The following ABCC2 variants were observed in gnomAD, a reference collection of about 807,000 sequenced individuals.
The protein encoded by ABCC2 is ATP binding cassette subfamily C member 2, also known as ATP-binding cassette sub-family C member 2.
In ABCC2, 157 loss-of-function variants were observed where a neutral mutation model predicts 173.4. The observed-to-expected ratio is 0.91, with a 90% CI of 0.80 to 1.03. The LOEUF (loss-of-function observed/expected upper bound fraction) is 1.03, where lower values mean the gene tolerates loss of function less well. Ranked by LOEUF, ABCC2 falls within the 50% of genes least tolerant of loss-of-function variation. The probability of loss-of-function intolerance (pLI) is 0.00; values close to 1 mark genes in which losing one functional copy is unlikely to be tolerated. For synonymous variants in ABCC2, 657 were observed against 693.5 expected (o/e 0.95, Z 0.83); for missense variants, 1,822 against 1,852.3 (o/e 0.98, Z 0.30).
intron 29 of ABCC2, 95 bp downstream of exon 29, chr10:99,845,877 A>C (rs1216944404): frequency 1.5e-6 from 2 of 1,344,612 alleles, no homozygotes; most frequent in Admixed American, 2.0e-5. Flanking sequence ...TTCAGTCAGC[A>C]CTGTCAATTC....
At chr10:99,826,029 C>T (rs570119164) in intron 19 of ABCC2, among the ~76,000 whole-genome samples, 22 of 152,328 alleles carry the variant, frequency 1.4e-4, no homozygotes, top group East Asian at 3.9e-4. Flanking sequence ...AAATTTAGAA[C>T]GACATTGACT....
At chr10:99,851,365 G>T in intron 31 of ABCC2, 137 bp from the exon 32 acceptor site, 1 of 919,362 alleles carries the variant, frequency 1.1e-6, no homozygotes, top group Non-Finnish European at 1.8e-6. Context: ...GTTGATGTGT[G>T]TAGCTGTGGC....
At chr10:99,805,605 C>A (rs367556003) in intron 11 of ABCC2, among the ~76,000 whole-genome samples, 158 bp downstream of exon 11, 8 of 152,064 alleles carry the variant, frequency 5.3e-5, no homozygotes, top group African/African-American at 2.4e-5. Flanking sequence ...TCAGGTCCTC[C>A]GTTGAACCCC....
At chr10:99,810,610 G>A (rs1011821876) in intron 14 of ABCC2, among the ~76,000 whole-genome samples, 5 of 152,196 alleles carry the variant, frequency 3.3e-5, no homozygotes, top group African/African-American at 1.2e-4. Flanking sequence ...ATAGTGGGGA[G>A]GATTTATATA....
intron 19 of ABCC2, among the ~76,000 whole-genome samples, chr10:99,821,190 A>G (rs1448330884): frequency 6.6e-6 from 1 of 152,262 alleles, no homozygotes; most frequent in Non-Finnish European, 1.5e-5. Context: ...TTTACAAAGC[A>G]GTATTGCTGC....
chr10:99,831,298 C>T lies in ABCC2; in HGVS notation c.2884-313C>T, dbSNP rs116903248. 9.7e-4 allele frequency among the ~76,000 whole-genome samples: 148 copies of T among 152,318 alleles called. 3 individuals carry two copies. The East Asian group carries it at 0.025, about 26-fold the overall frequency. ...AAAACCTCAGGGCTCAAGAGATCCT[C>T]CCACACCAGCCTTCTGAGTAGCTGG... is the stretch of plus-strand genomic sequence containing the variant. On this transcript the variant is annotated intron_variant, in intron 21 of 31. Transcript: ENST00000647814.
chr10:99,843,366 T>G (rs1219484494), intron 26 of ABCC2, among the ~76,000 whole-genome samples: 1 of 152,216 alleles, frequency 6.6e-6, no homozygotes, highest in African/African-American at 2.4e-5. Flanking sequence ...CAACAAGAAC[T>G]CTCTGTGCAT....
At chr10:99,847,262 T>A in intron 30 of ABCC2, 135 bp downstream of exon 30, 1 of 1,054,184 alleles carries the variant, frequency 9.5e-7, no homozygotes, top group Non-Finnish European at 1.4e-6. Context: ...AAAATGAACC[T>A]GTTGTAAAGT....
At chr10:99,790,369 T>C (rs2037792171) in intron 2 of ABCC2, among the ~76,000 whole-genome samples, 1 of 152,246 alleles carries the variant, frequency 6.6e-6, no homozygotes, top group South Asian at 2.1e-4. Context: ...TTAATTTATA[T>C]ACTCATTTTT....
chr10:99,814,070 T>C (rs528995216), intron 16 of ABCC2, among the ~76,000 whole-genome samples: 24 of 148,890 alleles, frequency 1.6e-4, no homozygotes, highest in Admixed American at 2.7e-4. Context: ...TTTGTATATA[T>C]ATATGTGTAT....
chr10:99,813,104 T>G lies in ABCC2; in HGVS notation c.2054T>G (p.Leu685Arg). ...SGKSSLISAM[L>R]GEMENVHGHI... ...AAATCCTCCTTGATATCAGCCATGCTGGGAGAAATGGAAAATGTCCACGGG... is the reference window on the plus strand; with the variant it reads ...AAATCCTCCTTGATATCAGCCATGCGGGGAGAAATGGAAAATGTCCACGGG... The change falls in exon 16 of 32, where the codon CTG becomes CGG. Residue 685 changes from leucine (L) to arginine (R), a missense_variant. Physicochemically the swap from Leu to Arg is moderately radical, Grantham distance 102 (BLOSUM62 -2). Coordinates refer to ENST00000647814, the MANE Select transcript of ABCC2 (RefSeq NM_000392.5). 1 of 1,614,058 alleles carries G rather than the reference T, an allele frequency of 6.2e-7. No individual in the cohort carries two copies. Among genetic ancestry groups the G allele is most frequent in the Non-Finnish European group, 8.5e-7 (1 of 1,179,922 alleles).
intron 30 of ABCC2, 31 bp downstream of exon 30, chr10:99,847,158 G>C: frequency 6.2e-7 from 1 of 1,613,446 alleles, no homozygotes. Context: ...ACCCCTGCAG[G>C]CAATGAGAGG....
At chr10:99,814,618 CATATACACACATATGTGTATATACACAT>C (rs2038346958) in intron 16 of ABCC2, among the ~76,000 whole-genome samples, 10 of 91,802 alleles carry the variant, frequency 1.1e-4, no homozygotes, top group Admixed American at 9.8e-4. Flanking sequence ...TGTATATACA[CATATACACACATATGTGTATATACACAT>C]ATACACACAC....
At chr10:99,825,529 T>C (rs1404423602) in intron 19 of ABCC2, among the ~76,000 whole-genome samples, 1 of 152,280 alleles carries the variant, frequency 6.6e-6, no homozygotes, top group Non-Finnish European at 1.5e-5. Context: ...CTCCTGTTCT[T>C]TTTATTTCAC....
intron 29 of ABCC2, among the ~76,000 whole-genome samples, chr10:99,846,511 G>A (rs1226925825): frequency 6.6e-6 from 1 of 152,178 alleles, no homozygotes; most frequent in Non-Finnish European, 1.5e-5. Flanking sequence ...GCCGAGGCAG[G>A]TGAATCACTG....
Position 99,814,784 on chromosome 10 carries a change from T to C in ABCC2, c.2094+1640T>C, listed in dbSNP as rs573555917. ...ACACATATATGTGTGTGTATGTATA[T>C]ACACACACACATATGTGTGTGTGTA... On this transcript the variant is annotated intron_variant, in intron 16 of 31. Transcript: ENST00000647814. 4.6e-3 allele frequency among the ~76,000 whole-genome samples: 518 copies of C among 112,664 alleles called. 6 individuals are homozygous for C. The highest frequency in any genetic ancestry group is 5.5e-3 in the Non-Finnish European group (310 of 56,388). 73.9% of individuals were successfully genotyped at this position (112,664 alleles called of 152,430 possible).
chr10:99,807,397 T>C lies in ABCC2; in HGVS notation c.1544T>C (p.Phe515Ser), dbSNP rs376285753. The change falls in exon 12 of 32, where the codon TTT (phenylalanine) becomes TCT (serine). Residue 515 changes from phenylalanine to serine, a missense_variant. Transcript: ENST00000647814. ...ILSGIKILKYFAWEPSFRDQV... is the reference protein window; with the variant it reads ...ILSGIKILKYSAWEPSFRDQV... ...TCAACTTATTAGATCCTGAAATATT[T>C]TGCCTGGGAACCTTCATTCAGAGAC... 4 of 1,614,120 alleles carry C rather than the reference T, an allele frequency of 2.5e-6. No individual in the cohort carries two copies. The highest frequency in any genetic ancestry group is 3.4e-6 in the Non-Finnish European group (4 of 1,179,988).
chr10:99,845,989 G>A (rs1222877158), intron 29 of ABCC2, among the ~76,000 whole-genome samples: 1 of 152,306 alleles, frequency 6.6e-6, no homozygotes, highest in South Asian at 2.1e-4. Flanking sequence ...GCCTGTATCT[G>A]ACCACTAGGT....
At chr10:99,787,890 G>A (rs7906080) in intron 2 of ABCC2, among the ~76,000 whole-genome samples, 87,962 of 151,698 alleles carry the variant, frequency 0.58, 25,777 homozygotes, top group East Asian at 0.77. Flanking sequence ...TGGTGAGACC[G>A]ATCTCTACAA....
Sources: allele counts gnomAD v4.1 joint callset (sites outside exome capture counted in the v4.1 genomes callset), GRCh38; gene constraint gnomAD v4.1.1; transcripts MANE v1.5; gene names NCBI Gene and HGNC (gene_info 2026-07-23, HGNC 2026-07-21).